The following SCIN variants were observed in gnomAD, a reference collection of about 807,000 sequenced individuals.
SCIN encodes the protein adseverin.
A neutral mutation model predicts 91.8 loss-of-function variants in SCIN; 91 were observed. The observed-to-expected ratio is 0.99, with a 90% CI of 0.84 to 1.18. The LOEUF (loss-of-function observed/expected upper bound fraction) is 1.18. SCIN is among the 50% of genes most tolerant of loss of function. The pLI, the probability that SCIN is intolerant of heterozygous loss-of-function variation, is 0.00. For missense variants in SCIN, 1,087 were observed against 863.9 expected, an observed-to-expected ratio of 1.26 and a Z score of -3.24; for synonymous variants, 367 against 312.6, an observed-to-expected ratio of 1.17 and a Z score of -1.84.
chr7:12,660,032 C>T lies in SCIN; in HGVS notation c.*7317C>T, dbSNP rs1425562858. ...TTGAGAATGTACTTTGTGAGATCCA[C>T]CCCCTGCCAGCAAAACATTGCTCCT... is the stretch of plus-strand genomic sequence containing the variant. On this transcript the variant is annotated 3_prime_UTR_variant, in exon 16 of 16. Transcript: ENST00000297029. The T allele has an allele frequency of 1.3e-5, 2 of 152,310 alleles. No homozygotes were observed. Among genetic ancestry groups the T allele is most frequent in the East Asian group, 1.9e-4 (1 of 5,186 alleles). 9.4% of individuals were successfully genotyped at this position (152,310 alleles called of 1,614,324 possible). A position where few individuals can be genotyped will look rare whatever the true frequency, so the allele number is the denominator to read the frequency against.
chr7:12,583,688 C>T (rs1782532290), intron 3 of SCIN, among the ~76,000 whole-genome samples: 1 of 151,908 alleles, frequency 6.6e-6, no homozygotes, highest in Non-Finnish European at 1.5e-5. Context: ...CCACTATGGG[C>T]CAGGTAGTTG....
chr7:12,634,640 G>A (rs1783710930), intron 9 of SCIN, among the ~76,000 whole-genome samples: 1 of 152,208 alleles, frequency 6.6e-6, no homozygotes, highest in African/African-American at 2.4e-5. Context: ...ATAGAAATGG[G>A]AAACCTGGCT....
chr7:12,635,998 CT>C, intron 9 of SCIN, 46 bp from the exon 10 acceptor site: 1 of 1,436,160 alleles, frequency 7.0e-7, no homozygotes, highest in Non-Finnish European at 9.7e-7. Context: ...ATGTGACGAT[CT>C]TAAAACTTAA....
At chr7:12,630,251 G>A (rs1415085130) in intron 9 of SCIN, among the ~76,000 whole-genome samples, 3 of 152,008 alleles carry the variant, frequency 2.0e-5, no homozygotes, top group African/African-American at 4.8e-5. Flanking sequence ...CTGGGAACTC[G>A]GAGGTATCAA....
intron 4 of SCIN, among the ~76,000 whole-genome samples, chr7:12,611,493 A>C (rs933358565): frequency 1.2e-4 from 19 of 152,136 alleles, no homozygotes; most frequent in Admixed American, 9.8e-4. Flanking sequence ...TTTTAATGAA[A>C]ATATAGTTGT....
In SCIN at chr7:12,625,431, C is replaced by CTTTT. The variant is rs10656602; in HGVS notation, c.892+306_892+309dup. Among the ~76,000 whole-genome samples, 20 of 97,528 alleles carry CTTTT rather than the reference C, an allele frequency of 2.1e-4. 4 individuals are homozygous for CTTTT. The highest frequency in any genetic ancestry group is 8.6e-4 in the East Asian group (3 of 3,488). The allele number at this position is 97,528 out of a possible 152,430, so 64.0% of individuals were successfully genotyped here. Reference sequence around the variant, plus strand: ...AATATACCAGGAAATTTTTGCTATTCTTTTTTTTTTTTTTTTTTTTCCGTC... The same window carrying CTTTT: ...AATATACCAGGAAATTTTTGCTATTCTTTTTTTTTTTTTTTTTTTTTTTTCCGTC... On this transcript the variant is annotated intron_variant, in intron 6 of 15. Transcript: ENST00000297029.
chr7:12,609,046 T>C (rs1430187037), intron 4 of SCIN, among the ~76,000 whole-genome samples: 1 of 152,186 alleles, frequency 6.6e-6, no homozygotes, highest in African/African-American at 2.4e-5. Flanking sequence ...TTTCAGCTAT[T>C]GATCACAGTA....
In SCIN at chr7:12,591,072, A is replaced by G. The variant is rs114577454; in HGVS notation, c.516+9851A>G. 3.1e-3 allele frequency among the ~76,000 whole-genome samples: 465 copies of G among 152,140 alleles called. 6 individuals carry two copies. Among genetic ancestry groups the G allele is most frequent in the African/African-American group, 0.011 (446 of 41,506 alleles). ...GGCCTGGAAGAGGAGCCATCTATGA[A>G]TAGTTGATCATCGGGGTTGGTGAGA... On this transcript the variant is annotated intron_variant, in intron 3 of 15. Coordinates refer to ENST00000297029, the MANE Select transcript of SCIN (RefSeq NM_001112706.3).
At chr7:12,617,445 C>T (rs555635835) in intron 4 of SCIN, among the ~76,000 whole-genome samples, 5 of 152,160 alleles carry the variant, frequency 3.3e-5, no homozygotes, top group African/African-American at 9.6e-5. Flanking sequence ...AGGCAAGTTT[C>T]GGAAGCGTTC....
chr7:12,612,127 T>C (rs1783204985), intron 4 of SCIN, among the ~76,000 whole-genome samples: 1 of 152,218 alleles, frequency 6.6e-6, no homozygotes, highest in Admixed American at 6.5e-5. Flanking sequence ...TAGTTTTAGC[T>C]TCCTTATTTA....
At position 12,651,701 on chromosome 7, in the gene SCIN, G is replaced by C. The variant is rs939478583; in HGVS notation, c.1960-140G>C. On this transcript the variant is annotated intron_variant, in intron 14 of 15. Transcript: ENST00000297029. The surrounding 1 kb of genome is among the most constrained non-coding windows in gnomAD (Gnocchi z 5.9). ...TGGGAAAGTGATGGTACCTCTCTGG[G>C]CCACCACCTCCACGTCCCTAACTTC... 1 of 585,188 alleles carries C rather than the reference G, an allele frequency of 1.7e-6. No individual in the cohort carries two copies. The highest frequency in any genetic ancestry group is 1.9e-5 in the African/African-American group (1 of 52,814). 36.2% of individuals were successfully genotyped at this position (585,188 alleles called of 1,614,324 possible).
At chr7:12,609,527 C>A (rs796934597) in intron 4 of SCIN, among the ~76,000 whole-genome samples, 48 of 150,488 alleles carry the variant, frequency 3.2e-4, no homozygotes, top group East Asian at 1.2e-3. Flanking sequence ...AACAAACAAA[C>A]AAAAAAAACC....
At chr7:12,649,025 A>T (rs925871280) in intron 13 of SCIN, among the ~76,000 whole-genome samples, 3 of 152,182 alleles carry the variant, frequency 2.0e-5, no homozygotes, top group African/African-American at 7.2e-5. Context: ...CTATGAATAC[A>T]TTCCAAGGAA....
chr7:12,608,321 GCACACACACA>G (rs35120183), intron 4 of SCIN, among the ~76,000 whole-genome samples: 1 of 148,680 alleles, frequency 6.7e-6, no homozygotes, highest in Non-Finnish European at 1.5e-5. Flanking sequence ...ATGCACACAT[GCACACACACA>G]CACACACACA....
At chr7:12,621,642 T>TTTA (rs1482873131) in intron 4 of SCIN, among the ~76,000 whole-genome samples, 1 of 149,574 alleles carries the variant, frequency 6.7e-6, no homozygotes, top group Non-Finnish European at 1.5e-5. Context: ...TTTTAGTTTT[T>TTTA]TTTTTTTTTT....
At chr7:12,633,783 G>A (rs1479500658) in intron 9 of SCIN, among the ~76,000 whole-genome samples, 1 of 152,184 alleles carries the variant, frequency 6.6e-6, no homozygotes, top group Admixed American at 6.5e-5. Flanking sequence ...AGACCCTGCG[G>A]TGGCCCATCA....
At chr7:12,579,525 G>C (rs1238313183) in intron 2 of SCIN, among the ~76,000 whole-genome samples, 1 of 152,130 alleles carries the variant, frequency 6.6e-6, no homozygotes, top group Non-Finnish European at 1.5e-5. Context: ...GTTTGCTTTA[G>C]GGAAAATACT....
chr7:12,588,809 G>T (rs1298113120), intron 3 of SCIN: 1 of 14,920 alleles, frequency 6.7e-5, no homozygotes, highest in Non-Finnish European at 2.1e-4. Context: ...TGCATTGGGT[G>T]GGGGGGGGGG....
At chr7:12,594,403 G>A (rs1481513307) in intron 3 of SCIN, among the ~76,000 whole-genome samples, 2 of 152,084 alleles carry the variant, frequency 1.3e-5, no homozygotes, top group Non-Finnish European at 2.9e-5. Flanking sequence ...GAGAAGGGTG[G>A]TTACGGAGAA....
Sources: gnomAD v4.1 joint callset for allele counts (sites outside exome capture counted in the v4.1 genomes callset) on GRCh38, gnomAD v4.1.1 for gene constraint, Gnocchi (gnomAD v3.1) non-coding constraint, MANE v1.5 for transcripts, NCBI Gene and HGNC (gene_info 2026-07-23, HGNC 2026-07-21) for gene names.